The following BMPR2 variants were observed in gnomAD, a reference collection of about 807,000 sequenced individuals.
BMPR2 encodes the protein bone morphogenetic protein receptor type 2.
In BMPR2, 29 loss-of-function variants were observed where a neutral mutation model predicts 100.8. The observed-to-expected ratio is 0.29, with a 90% CI of 0.21 to 0.39. The LOEUF is 0.39. BMPR2 is among the 10% of genes least tolerant of loss of function. The pLI is 1.00. For missense variants in BMPR2, 1,011 were observed against 1,274.5 expected (o/e 0.79, Z 3.15); for synonymous variants, 382 against 442.3 (o/e 0.86, Z 1.71).
In BMPR2 at chr2:202,422,904, C is replaced by G. The variant is rs112446330; in HGVS notation, c.77-41905C>G. 6.6e-3 allele frequency among the ~76,000 whole-genome samples: 1,003 copies of G among 151,498 alleles called. 18 individuals carry two copies. Among genetic ancestry groups the G allele is most frequent in the African/African-American group, 0.023 (932 of 41,306 alleles). ...TGTTGGCCAGACTGGTCTCAAACTG[C>G]TGACCTCAGGTGATCCACCTGCCTC... On this transcript the variant is annotated intron_variant, in intron 1 of 12. Transcript: ENST00000374580.
chr2:202,396,296 A>C (rs1178965118), intron 1 of BMPR2, among the ~76,000 whole-genome samples: 2 of 152,208 alleles, frequency 1.3e-5, no homozygotes, highest in Non-Finnish European at 2.9e-5. Flanking sequence ...TATGTAGTCT[A>C]CCTTATTTAA....
At chr2:202,444,487 T>C (rs1373955250) in intron 1 of BMPR2, among the ~76,000 whole-genome samples, 1 of 150,770 alleles carries the variant, frequency 6.6e-6, no homozygotes, top group Non-Finnish European at 1.5e-5. Context: ...AGAGAAATTA[T>C]GTAATTTGTT....
intron 12 of BMPR2, among the ~76,000 whole-genome samples, chr2:202,557,016 C>T (rs1354508584): frequency 6.6e-6 from 1 of 151,162 alleles, no homozygotes; most frequent in Non-Finnish European, 1.5e-5. Context: ...AAGTGAAACT[C>T]CATCTCAATA....
At chr2:202,381,542 T>A (rs1690293112) in intron 1 of BMPR2, among the ~76,000 whole-genome samples, 1 of 152,176 alleles carries the variant, frequency 6.6e-6, no homozygotes, top group South Asian at 2.1e-4. Flanking sequence ...ATGGCTAGGC[T>A]AAGCTCAGAA....
chr2:202,405,214 G>A (rs1305000876), intron 1 of BMPR2, among the ~76,000 whole-genome samples: 3 of 151,888 alleles, frequency 2.0e-5, no homozygotes, highest in African/African-American at 7.3e-5. Context: ...TGGTCCTGAA[G>A]CCTGAAAAAA....
intron 1 of BMPR2, among the ~76,000 whole-genome samples, chr2:202,420,252 A>G (rs962498550): frequency 1.3e-5 from 2 of 152,126 alleles, no homozygotes; most frequent in African/African-American, 4.8e-5. Context: ...TAGCTTTATA[A>G]ACATCTATTC....
chr2:202,468,666 A>C (rs1213688882), intron 3 of BMPR2, among the ~76,000 whole-genome samples: 1 of 152,228 alleles, frequency 6.6e-6, no homozygotes, highest in African/African-American at 2.4e-5. Flanking sequence ...CAATATTAGG[A>C]AGTAAATGTC....
intron 1 of BMPR2, among the ~76,000 whole-genome samples, chr2:202,448,792 T>C (rs1286938604): frequency 6.6e-6 from 1 of 151,998 alleles, no homozygotes; most frequent in Non-Finnish European, 1.5e-5. Flanking sequence ...CTCCAGGATA[T>C]ATAAGCCTCT....
At chr2:202,487,676 G>T (rs946090507) in intron 3 of BMPR2, among the ~76,000 whole-genome samples, 1 of 152,086 alleles carries the variant, frequency 6.6e-6, no homozygotes, top group Non-Finnish European at 1.5e-5. Context: ...CAGTTTCCTC[G>T]AAGAAAATAC....
Position 202,518,127 on chromosome 2 carries a change from C to CTT in BMPR2, c.622-670_622-669dup, listed in dbSNP as rs35869694. ...AGGCGTGAGCCACCGCGCCTGGCCT[C>CTT]TTTTTTTTTTTTTTTTTTTTTTTTT... On this transcript the variant is annotated intron_variant, in intron 5 of 12. Transcript: ENST00000374580. Among the ~76,000 whole-genome samples the CTT allele has an allele frequency of 5.2e-4, 40 of 77,050 alleles. 2 individuals are homozygous for CTT. The highest frequency in any genetic ancestry group is 1.2e-3 in the African/African-American group (22 of 18,266). 50.5% of individuals were successfully genotyped at this position (77,050 alleles called of 152,430 possible). A position where few individuals can be genotyped will look rare whatever the true frequency, so the allele number is the denominator to read the frequency against.
intron 1 of BMPR2, among the ~76,000 whole-genome samples, chr2:202,430,577 A>G (rs934700271): frequency 1.3e-5 from 2 of 152,176 alleles, no homozygotes; most frequent in African/African-American, 4.8e-5. Context: ...GACATTACTG[A>G]TGAATCATTT....
intron 1 of BMPR2, among the ~76,000 whole-genome samples, chr2:202,444,742 T>A (rs181163192): frequency 7.3e-5 from 11 of 151,004 alleles, no homozygotes; most frequent in African/African-American, 7.4e-5. Context: ...TTACATTTTT[T>A]AATTTTTAAT....
chr2:202,434,435 T>C (rs567975156), intron 1 of BMPR2, among the ~76,000 whole-genome samples: 5 of 150,350 alleles, frequency 3.3e-5, no homozygotes, highest in Admixed American at 6.6e-5. Context: ...TATGAGAATG[T>C]TTTGAGAAAA....
At chr2:202,447,240 T>A (rs971151296) in intron 1 of BMPR2, among the ~76,000 whole-genome samples, 1 of 149,744 alleles carries the variant, frequency 6.7e-6, no homozygotes, top group Admixed American at 6.6e-5. Context: ...ACCTGGGAGG[T>A]GGAGGTTGCA....
At position 202,563,012 on chromosome 2, in the gene BMPR2, C is replaced by T. The variant is rs898147181; in HGVS notation, c.*3066C>T. On this transcript the variant is annotated 3_prime_UTR_variant, in exon 13 of 13. Transcript: ENST00000374580. ...GCTAAGAGAAGCTAAGTAATATGCC[C>T]AAGGTCCACATCTAGTAACAGACAA... is the stretch of plus-strand genomic sequence containing the variant. The T allele has an allele frequency of 6.6e-6, 1 of 152,158 alleles. No individual in the cohort carries two copies. The highest frequency in any genetic ancestry group is 1.5e-5 in the Non-Finnish European group (1 of 68,042). The allele number at this position is 152,158 out of a possible 1,614,324, so 9.4% of individuals were successfully genotyped here.
At chr2:202,482,008 C>T (rs1692670345) in intron 3 of BMPR2, among the ~76,000 whole-genome samples, 1 of 152,114 alleles carries the variant, frequency 6.6e-6, no homozygotes, top group African/African-American at 2.4e-5. Flanking sequence ...TCAGGCCCTC[C>T]AGCCACCCTC....
chr2:202,520,946 T>A (rs919503850), intron 7 of BMPR2: 3 of 155,534 alleles, frequency 1.9e-5, no homozygotes, highest in Non-Finnish European at 2.9e-5. Context: ...GAGAAGAACA[T>A]TGACAAATAC....
intron 1 of BMPR2, among the ~76,000 whole-genome samples, chr2:202,431,148 A>T (rs1260210672): frequency 6.6e-6 from 1 of 150,644 alleles, no homozygotes; most frequent in Non-Finnish European, 1.5e-5. Flanking sequence ...TTTAAGTAAC[A>T]GTTTAATGTT....
chr2:202,416,423 G>C (rs1691126353), intron 1 of BMPR2, among the ~76,000 whole-genome samples: 1 of 143,054 alleles, frequency 7.0e-6, no homozygotes, highest in Non-Finnish European at 1.5e-5. Flanking sequence ...ACCACACCTG[G>C]ATAATTTTTT....
Sources: allele counts gnomAD v4.1 joint callset (sites outside exome capture counted in the v4.1 genomes callset), GRCh38; gene constraint gnomAD v4.1.1; transcripts MANE v1.5; gene names NCBI Gene and HGNC (gene_info 2026-07-23, HGNC 2026-07-21).